The following MYO5A variants were observed in gnomAD, a reference collection of about 807,000 sequenced individuals.
The protein encoded by MYO5A is myosin VA, also known as unconventional myosin-Va.
A neutral mutation model predicts 249.7 loss-of-function variants in MYO5A; 98 were observed. The ratio of observed to expected loss-of-function variants is 0.39; its 90% confidence interval spans 0.33 to 0.46. MYO5A has a LOEUF of 0.46. Among genes scored for constraint, MYO5A ranks in the 20% least tolerant of loss-of-function variants. The probability of loss-of-function intolerance (pLI) is 0.98; values close to 1 mark genes in which losing one functional copy is unlikely to be tolerated. For synonymous variants in MYO5A, 778 were observed against 810.6 expected (o/e 0.96, Z 0.68); for missense variants, 1,696 against 2,308.8 (o/e 0.73, Z 5.44).
At chr15:52,438,077 C>T (rs2075704416) in intron 1 of MYO5A, 1 of 984,796 alleles carries the variant, frequency 1.0e-6, no homozygotes, top group Non-Finnish European at 1.2e-6. Flanking sequence ...AGATCAGTGA[C>T]TCTGCAGAAA....
intron 1 of MYO5A, among the ~76,000 whole-genome samples, chr15:52,475,771 A>G (rs1163825456): frequency 9.9e-5 from 15 of 152,038 alleles, no homozygotes; most frequent in Admixed American, 8.5e-4. Flanking sequence ...TATAATTTCT[A>G]TTCTTTTACA....
At chr15:52,411,659 G>A (rs1393761586) in intron 5 of MYO5A, among the ~76,000 whole-genome samples, 2 of 152,244 alleles carry the variant, frequency 1.3e-5, no homozygotes, top group African/African-American at 4.8e-5. Flanking sequence ...GTCAGGATTA[G>A]TAAATTGAAA....
rs188072213 is a variant in MYO5A at position 52,382,986 on chromosome 15, A to C, written c.2012+105T>G. 2.3e-5 allele frequency: 23 copies of C among 993,808 alleles called. No individual in the cohort carries two copies. In the East Asian group the frequency reaches 5.6e-4, roughly 24 times the overall value. The allele number at this position is 993,808 out of a possible 1,614,324, so 61.6% of individuals were successfully genotyped here. A position where few individuals can be genotyped will look rare whatever the true frequency, so the allele number is the denominator to read the frequency against. On this transcript the variant is annotated intron_variant, in intron 16 of 41. Transcript: ENST00000399233. ...ACAAGGCATGAAGACTTACCCAAAT[A>C]TTTTTTTCCTTATAAAAATGTAAGG...
At chr15:52,464,045 T>C (rs2076305598) in intron 1 of MYO5A, among the ~76,000 whole-genome samples, 1 of 152,176 alleles carries the variant, frequency 6.6e-6, no homozygotes, top group South Asian at 2.1e-4. Flanking sequence ...CCTTGAACAA[T>C]TACCCAACTT....
At chr15:52,391,603 G>A (rs964180111) in intron 12 of MYO5A, among the ~76,000 whole-genome samples, 3 of 152,084 alleles carry the variant, frequency 2.0e-5, no homozygotes, top group African/African-American at 7.2e-5. Context: ...AATATCTTCT[G>A]CACAGTTTCT....
At chr15:52,354,140 G>A (rs1596332572) in intron 25 of MYO5A, 126 bp from the exon 26 acceptor site, 2 of 1,128,552 alleles carry the variant, frequency 1.8e-6, no homozygotes, top group African/African-American at 1.6e-5. Context: ...AACATCTAGA[G>A]AATATATTTT....
intron 27 of MYO5A, among the ~76,000 whole-genome samples, chr15:52,352,253 C>T (rs1596329886): frequency 6.6e-6 from 1 of 152,280 alleles, no homozygotes; most frequent in East Asian, 1.9e-4. Context: ...ACAATGGCAA[C>T]AGGAACCCAG....
intron 2 of MYO5A, among the ~76,000 whole-genome samples, chr15:52,432,476 A>G (rs973917056): frequency 4.6e-5 from 7 of 152,268 alleles, no homozygotes; most frequent in African/African-American, 1.7e-4. Context: ...CACTCATCTT[A>G]GAGTCATCTG....
chr15:52,328,054 G>T, intron 35 of MYO5A, 48 bp from the exon 36 acceptor site: 1 of 1,455,330 alleles, frequency 6.9e-7, no homozygotes, highest in South Asian at 1.2e-5. Context: ...AAATTTTCAC[G>T]AGGCATGCAT....
chr15:52,397,212 T>C lies in MYO5A; in HGVS notation c.1308A>G (p.Leu436=). The C allele has an allele frequency of 6.2e-7, 1 of 1,614,078 alleles. No individual in the cohort carries two copies. Among genetic ancestry groups the C allele is most frequent in the Non-Finnish European group, 8.5e-7 (1 of 1,179,970 alleles). ...CCAAATATACTCACCCGTAAATGTC[T>C]AGCACACCAATAAAAGAGTGCTGTT... ...AVKQHSFIGV[L]DIYGFETFEI... is the part of the protein sequence containing the mutation. Residue 436 remains leucine, a synonymous_variant, in exon 10 of 42, where the codon CTA becomes CTG. Transcript: ENST00000399233.
chr15:52,363,088 C>T (rs2040618068), intron 24 of MYO5A, among the ~76,000 whole-genome samples: 1 of 152,140 alleles, frequency 6.6e-6, no homozygotes, highest in Non-Finnish European at 1.5e-5. Flanking sequence ...CTCAGAAACA[C>T]CTACTGGGTT....
intron 1 of MYO5A, among the ~76,000 whole-genome samples, chr15:52,515,862 A>G (rs770192691): frequency 5.9e-5 from 9 of 151,862 alleles, no homozygotes; most frequent in Admixed American, 5.9e-4. Flanking sequence ...GACAGAGCCC[A>G]GGAACATCAA....
intron 24 of MYO5A, among the ~76,000 whole-genome samples, chr15:52,362,015 TG>T (rs947731482): frequency 1.3e-5 from 2 of 151,340 alleles, no homozygotes; most frequent in African/African-American, 4.8e-5. Context: ...CCATGCCTCA[TG>T]ATCTTTTCAT....
chr15:52,419,279 T>C (rs978364201), intron 4 of MYO5A, among the ~76,000 whole-genome samples: 1 of 152,222 alleles, frequency 6.6e-6, no homozygotes, highest in Non-Finnish European at 1.5e-5. Flanking sequence ...TAATTGTTTC[T>C]CCCTTTATCC....
chr15:52,395,626 T>C (rs929083646), intron 11 of MYO5A, among the ~76,000 whole-genome samples: 1 of 152,154 alleles, frequency 6.6e-6, no homozygotes, highest in South Asian at 2.1e-4. Flanking sequence ...ACTATTATTA[T>C]CTCCATTTTA....
chr15:52,399,541 G>T (rs2042650624), intron 9 of MYO5A, among the ~76,000 whole-genome samples: 1 of 152,116 alleles, frequency 6.6e-6, no homozygotes, highest in African/African-American at 2.4e-5. Context: ...CGTGCACAGT[G>T]TTGCCAGTTT....
At chr15:52,314,277 T>A in intron 40 of MYO5A, 74 bp from the exon 41 acceptor site, 1 of 1,109,884 alleles carries the variant, frequency 9.0e-7, no homozygotes, top group Non-Finnish European at 1.4e-6. Flanking sequence ...TCTGGAAAAT[T>A]AAAAGGATCT....
chr15:52,526,599 G>C (rs942496258), intron 1 of MYO5A, among the ~76,000 whole-genome samples: 2 of 152,082 alleles, frequency 1.3e-5, no homozygotes, highest in Non-Finnish European at 2.9e-5. Flanking sequence ...GACCTCAGGT[G>C]ATTCACCCAC....
chr15:52,357,156 A>G (rs1166385947), intron 25 of MYO5A, among the ~76,000 whole-genome samples: 1 of 152,104 alleles, frequency 6.6e-6, no homozygotes, highest in African/African-American at 2.4e-5. Flanking sequence ...TACGTCCCCC[A>G]TAAAAATTAA....
Sources: allele counts gnomAD v4.1 joint callset (sites outside exome capture counted in the v4.1 genomes callset), GRCh38; gene constraint gnomAD v4.1.1; transcripts MANE v1.5; gene names NCBI Gene and HGNC (gene_info 2026-07-23, HGNC 2026-07-21).